Variants in FGF14 observed in about 807,000 individuals in gnomAD.
The protein encoded by FGF14 is fibroblast growth factor homologous factor 4.
Under a neutral mutation model 25.5 loss-of-function variants are expected in FGF14, and 5 were observed. The observed-to-expected ratio is 0.20, with a 90% confidence interval of 0.10 to 0.41. The LOEUF is 0.41. FGF14 is among the 10% of genes least tolerant of loss of function. The probability of loss-of-function intolerance (pLI) is 1.00; values close to 1 mark genes in which losing one functional copy is unlikely to be tolerated. For synonymous variants in FGF14, 138 were observed against 118.3 expected, an observed-to-expected ratio of 1.17 and a Z score of -1.08; for missense variants, 222 against 320.1, an observed-to-expected ratio of 0.69 and a Z score of 2.34.
chr13:102,328,945 C>T (rs576003987), intron 1 of FGF14, among the ~76,000 whole-genome samples: 1 of 152,238 alleles, frequency 6.6e-6, no homozygotes, highest in East Asian at 1.9e-4. Flanking sequence ...AGCCTCACCA[C>T]CATAATGTCC....
At chr13:102,161,679 GAAGAAGAAGAAGAA>G (rs2047757503) in intron 1 of FGF14, among the ~76,000 whole-genome samples, 2 of 60,804 alleles carry the variant, frequency 3.3e-5, no homozygotes, top group Admixed American at 4.1e-4. Context: ...AGAAGAAGAA[GAAGAAGAAGAAGAA>G]GAAGAAGAAG....
At chr13:101,911,538 T>G (rs566237052) in intron 1 of FGF14, among the ~76,000 whole-genome samples, 1 of 152,142 alleles carries the variant, frequency 6.6e-6, no homozygotes, top group Admixed American at 6.5e-5. Flanking sequence ...ATAGCAAATA[T>G]GGACTGTGAA....
At chr13:101,860,378 G>A (rs959839540) in intron 3 of FGF14, among the ~76,000 whole-genome samples, 1 of 151,936 alleles carries the variant, frequency 6.6e-6, no homozygotes, top group African/African-American at 2.4e-5. Flanking sequence ...GAAAAGGTGA[G>A]CTCTATGTAT....
At chr13:102,009,052 T>C (rs1016715874) in intron 1 of FGF14, among the ~76,000 whole-genome samples, 8 of 152,130 alleles carry the variant, frequency 5.3e-5, no homozygotes, top group Non-Finnish European at 1.2e-4. Flanking sequence ...ATAAAAGCCA[T>C]ACATGTCCTT....
intron 1 of FGF14, among the ~76,000 whole-genome samples, chr13:101,925,607 A>G (rs2034309014): frequency 6.6e-6 from 1 of 152,238 alleles, no homozygotes; most frequent in Non-Finnish European, 1.5e-5. Context: ...CATGTAGGAA[A>G]TGTTATAATT....
At chr13:102,163,669 G>A (rs370204032) in intron 1 of FGF14, among the ~76,000 whole-genome samples, 13 of 152,218 alleles carry the variant, frequency 8.5e-5, no homozygotes, top group African/African-American at 2.6e-4. Flanking sequence ...GGCTGCAAAG[G>A]CAATTGAGGA....
At chr13:102,392,253 T>C (rs544293053) in intron 1 of FGF14, among the ~76,000 whole-genome samples, 86 of 152,374 alleles carry the variant, frequency 5.6e-4, no homozygotes, top group African/African-American at 1.9e-3. Flanking sequence ...ATAAAGTTCA[T>C]ACTTCCTTCT....
intron 1 of FGF14, among the ~76,000 whole-genome samples, chr13:102,222,149 T>C (rs971967003): frequency 2.0e-5 from 3 of 152,210 alleles, no homozygotes; most frequent in Non-Finnish European, 4.4e-5. Context: ...TGCCTGTCTA[T>C]AGCATCGTAA....
chr13:102,121,702 G>A (rs181067131), intron 1 of FGF14, among the ~76,000 whole-genome samples: 221 of 152,226 alleles, frequency 1.5e-3, no homozygotes, highest in Non-Finnish European at 2.5e-3. Context: ...AAATGCTTCC[G>A]TAAGACTTGA....
intron 3 of FGF14, among the ~76,000 whole-genome samples, chr13:101,850,073 G>T (rs1465455588): frequency 6.6e-6 from 1 of 151,708 alleles, no homozygotes; most frequent in Non-Finnish European, 1.5e-5. Flanking sequence ...AGAAGAGGAA[G>T]GGTCAAATAA....
At chr13:102,383,648 A>G (rs1416997900) in intron 1 of FGF14, among the ~76,000 whole-genome samples, 1 of 152,210 alleles carries the variant, frequency 6.6e-6, no homozygotes, top group East Asian at 1.9e-4. Flanking sequence ...GGGAGAAAAA[A>G]GGGGAATGAG....
chr13:101,931,864 TATTAGAA>T (rs1477245862), intron 1 of FGF14, among the ~76,000 whole-genome samples: 2 of 152,212 alleles, frequency 1.3e-5, no homozygotes, highest in Non-Finnish European at 2.9e-5. Flanking sequence ...CCACATTTCC[TATTAGAA>T]ATTAGTTTAT....
At chr13:101,971,998 G>A (rs900196269) in intron 1 of FGF14, among the ~76,000 whole-genome samples, 2 of 152,212 alleles carry the variant, frequency 1.3e-5, no homozygotes, top group Non-Finnish European at 2.9e-5. Context: ...ACAAGTGGGC[G>A]GAGACAGGAG....
In FGF14 at chr13:101,781,446, A is replaced by G. The variant is rs370595330; in HGVS notation, c.409-54636T>C. 3.5e-4 allele frequency among the ~76,000 whole-genome samples: 54 copies of G among 152,338 alleles called. No homozygotes were observed. In the South Asian group the frequency reaches 8.1e-3, roughly 23 times the overall value. On this transcript the variant is annotated intron_variant, in intron 3 of 4. Coordinates refer to ENST00000376143, the MANE Select transcript of FGF14 (RefSeq NM_004115.4). ...CTAAATGAATACATGAGTGTCATAC[A>G]TATATCGAATAGTAGACTTTCAATT...
intron 1 of FGF14, among the ~76,000 whole-genome samples, chr13:102,148,307 T>C (rs2046938310): frequency 6.6e-6 from 1 of 152,244 alleles, no homozygotes; most frequent in Non-Finnish European, 1.5e-5. Flanking sequence ...ACTTTAATTG[T>C]TGTATTGATT....
chr13:101,927,813 C>T (rs1371889906), intron 1 of FGF14, among the ~76,000 whole-genome samples: 2 of 152,114 alleles, frequency 1.3e-5, no homozygotes, highest in African/African-American at 2.4e-5. Context: ...ATCAGAGGGG[C>T]TCCACCTCCC....
chr13:102,169,993 C>T (rs1191472823), intron 1 of FGF14, among the ~76,000 whole-genome samples: 6 of 152,074 alleles, frequency 3.9e-5, no homozygotes, highest in African/African-American at 1.2e-4. Context: ...AAACCCATAA[C>T]TATAAATGAC....
intron 1 of FGF14, among the ~76,000 whole-genome samples, chr13:102,319,760 G>A (rs1340647913): frequency 6.6e-6 from 1 of 152,170 alleles, no homozygotes; most frequent in South Asian, 2.1e-4. Flanking sequence ...TAGCCACTGT[G>A]CATTTTTTGG....
At chr13:102,353,644 G>A (rs2057347963) in intron 1 of FGF14, among the ~76,000 whole-genome samples, 1 of 152,120 alleles carries the variant, frequency 6.6e-6, no homozygotes, top group South Asian at 2.1e-4. Context: ...TTGCAAAGTA[G>A]ATGGATCACT....
Sources: gnomAD v4.1 joint callset for allele counts (sites outside exome capture counted in the v4.1 genomes callset) on GRCh38, gnomAD v4.1.1 for gene constraint, MANE v1.5 for transcripts, NCBI Gene and HGNC (gene_info 2026-07-23, HGNC 2026-07-21) for gene names.